The following PTCSC3 variants were observed in gnomAD, a reference collection of about 807,000 sequenced individuals.
The protein encoded by PTCSC3 is papillary thyroid carcinoma susceptibility candidate 3 (non-protein coding).
At chr14:36,158,696 A>C (rs1227952208) in intron 2 of PTCSC3, among the ~76,000 whole-genome samples, 1 of 152,152 alleles carries the variant, frequency 6.6e-6, no homozygotes, top group Non-Finnish European at 1.5e-5. Context: ...TTCATCAGAG[A>C]TATTGGGCTG....
At chr14:36,162,656 T>A (rs1222445445) in exon 2 of PTCSC3, 2 of 152,062 alleles carry the variant, frequency 1.3e-5, no homozygotes, top group Non-Finnish European at 2.9e-5. Context: ...AGCTGTAGAC[T>A]GGAGCTGCTC....
At chr14:36,143,216 C>G (rs1456759814) in intron 3 of PTCSC3, among the ~76,000 whole-genome samples, 3 of 147,262 alleles carry the variant, frequency 2.0e-5, no homozygotes, top group African/African-American at 7.6e-5. Flanking sequence ...AGTTCTAGAT[C>G]CCTGAGGAAT....
intron 3 of PTCSC3, among the ~76,000 whole-genome samples, chr14:36,139,268 A>G (rs1881366681): frequency 6.6e-6 from 1 of 152,250 alleles, no homozygotes; most frequent in South Asian, 2.1e-4. Context: ...CTGAGCAATT[A>G]AATAAGACCA....
At chr14:36,138,008 G>A (rs1411745703) in intron 3 of PTCSC3, among the ~76,000 whole-genome samples, 3 of 152,210 alleles carry the variant, frequency 2.0e-5, no homozygotes, top group Admixed American at 6.5e-5. Context: ...AGAGGCTTAA[G>A]TGTGAACCCT....
At chr14:36,163,465 A>T (rs1468940602) in intron 1 of PTCSC3, among the ~76,000 whole-genome samples, 1 of 151,888 alleles carries the variant, frequency 6.6e-6, no homozygotes, top group Non-Finnish European at 1.5e-5. Context: ...AACTAAAGAA[A>T]GGAAGGAGAG....
downstream of PTCSC3, among the ~76,000 whole-genome samples, chr14:36,134,893 A>G (rs1881250524): frequency 6.6e-6 from 1 of 152,236 alleles, no homozygotes; most frequent in Non-Finnish European, 1.5e-5. Flanking sequence ...AAGGCTGTTT[A>G]TGGGCAGGGC....
intron 3 of PTCSC3, among the ~76,000 whole-genome samples, chr14:36,147,928 G>T (rs188386394): frequency 6.6e-6 from 1 of 152,074 alleles, no homozygotes; most frequent in African/African-American, 2.4e-5. Flanking sequence ...GCCGTGTGAG[G>T]TGTCAGTGTG....
At chr14:36,153,125 G>C (rs1289203671) in intron 3 of PTCSC3, among the ~76,000 whole-genome samples, 1 of 152,068 alleles carries the variant, frequency 6.6e-6, no homozygotes, top group African/African-American at 2.4e-5. Flanking sequence ...TCTTTGATTT[G>C]CAGATGGCTG....
rs541260102 is a variant in PTCSC3 at position 36,155,356 on chromosome 14, G to T, written n.232-1462C>A. Among the ~76,000 whole-genome samples the T allele has an allele frequency of 2.0e-5, 3 of 152,242 alleles. 1 individual carries two copies. Among genetic ancestry groups the T allele is most frequent in the African/African-American group, 7.2e-5 (3 of 41,548 alleles). On this transcript the variant is annotated intron_variant and non_coding_transcript_variant, in intron 2 of 3. Coordinates refer to ENST00000556013, the Ensembl canonical transcript of PTCSC3. ...TATCAAGAAAACCTAGTTAGATGATGATATACATACTACTATAGGTGTATA... is the reference window on the plus strand; with the variant it reads ...TATCAAGAAAACCTAGTTAGATGATTATATACATACTACTATAGGTGTATA...
At chr14:36,151,797 G>A (rs1881730177) in intron 3 of PTCSC3, among the ~76,000 whole-genome samples, 1 of 152,164 alleles carries the variant, frequency 6.6e-6, no homozygotes, top group East Asian at 1.9e-4. Flanking sequence ...ACAGAATGAA[G>A]ACCAGAATGC....
At chr14:36,140,236 A>T (rs1043239737) in intron 3 of PTCSC3, among the ~76,000 whole-genome samples, 2 of 152,160 alleles carry the variant, frequency 1.3e-5, no homozygotes, top group African/African-American at 4.8e-5. Context: ...TCATTTATCT[A>T]TTGAGGGACA....
chr14:36,148,891 TA>T (rs1881656879), intron 3 of PTCSC3, among the ~76,000 whole-genome samples: 1 of 152,186 alleles, frequency 6.6e-6, no homozygotes, highest in Non-Finnish European at 1.5e-5. Flanking sequence ...TTTCTGATAC[TA>T]ATAATTTATT....
chr14:36,152,333 T>C (rs935734090), intron 3 of PTCSC3, among the ~76,000 whole-genome samples: 4 of 152,134 alleles, frequency 2.6e-5, no homozygotes, highest in Non-Finnish European at 4.4e-5. Context: ...CACACACCTG[T>C]AGTCCTAGCT....
chr14:36,165,828 C>G (rs1254402339), intron 1 of PTCSC3, among the ~76,000 whole-genome samples: 1 of 149,234 alleles, frequency 6.7e-6, no homozygotes, highest in African/African-American at 2.5e-5. Flanking sequence ...GTGGGAGGAA[C>G]TTTCACATTT....
downstream of PTCSC3, among the ~76,000 whole-genome samples, chr14:36,135,216 C>CTT (rs1206979015): frequency 6.6e-6 from 1 of 152,028 alleles, no homozygotes; most frequent in Non-Finnish European, 1.5e-5. Context: ...GTTATTACTA[C>CTT]CATGGATAGG....
intron 1 of PTCSC3, among the ~76,000 whole-genome samples, chr14:36,170,157 A>G (rs1882166094): frequency 6.6e-6 from 1 of 151,970 alleles, no homozygotes; most frequent in Non-Finnish European, 1.5e-5. Context: ...CTTGCTTGCA[A>G]ATAGAAAGTA....
At chr14:36,167,771 G>A (rs1426525333) in intron 1 of PTCSC3, among the ~76,000 whole-genome samples, 1 of 152,134 alleles carries the variant, frequency 6.6e-6, no homozygotes, top group African/African-American at 2.4e-5. Context: ...AAACCTCATA[G>A]TCTGCCCGTC....
At chr14:36,147,129 C>T (rs1225242723) in intron 3 of PTCSC3, among the ~76,000 whole-genome samples, 3 of 152,130 alleles carry the variant, frequency 2.0e-5, no homozygotes, top group Admixed American at 6.6e-5. Flanking sequence ...GTGAATCTGA[C>T]AATTATGTGT....
chr14:36,135,929 GTATATA>G, downstream of PTCSC3, among the ~76,000 whole-genome samples: 1 of 150,670 alleles, frequency 6.6e-6, no homozygotes, highest in Middle Eastern at 3.4e-3. Context: ...ATGTGTGTGT[GTATATA>G]TATATATTTA....
Sources: allele counts gnomAD v4.1 joint callset (sites outside exome capture counted in the v4.1 genomes callset), GRCh38; gene constraint gnomAD v4.1.1; transcripts MANE v1.5; gene names NCBI Gene and HGNC (gene_info 2026-07-23, HGNC 2026-07-21).